ZBTB20: variants seen among roughly 807,000 people sequenced by gnomAD.
The protein encoded by ZBTB20 is zinc finger and BTB domain-containing protein 20.
Under a neutral mutation model 56.9 loss-of-function variants are expected in ZBTB20, and 9 were observed. That is an observed-to-expected ratio of 0.16 (90% CI 0.10 to 0.28). ZBTB20 has a LOEUF of 0.28. Ranked by LOEUF, ZBTB20 falls within the 10% of genes least tolerant of loss-of-function variation. The pLI, the probability that ZBTB20 is intolerant of heterozygous loss-of-function variation, is 1.00. For missense variants in ZBTB20, 655 were observed against 1,003.0 expected, an observed-to-expected ratio of 0.65 and a Z score of 4.69; for synonymous variants, 417 against 420.7, an observed-to-expected ratio of 0.99 and a Z score of 0.11.
At chr3:114,963,994 A>T (rs987210589) in intron 3 of ZBTB20, among the ~76,000 whole-genome samples, 1 of 152,210 alleles carries the variant, frequency 6.6e-6, no homozygotes, top group African/African-American at 2.4e-5. Flanking sequence ...CTTTAAGTCC[A>T]TTCATAGTCT....
intron 7 of ZBTB20, among the ~76,000 whole-genome samples, chr3:114,475,367 G>A (rs1016325452): frequency 1.3e-5 from 2 of 151,996 alleles, no homozygotes; most frequent in Non-Finnish European, 2.9e-5. Flanking sequence ...ATTAATTCTA[G>A]CAAAGTAGAC....
intron 10 of ZBTB20, among the ~76,000 whole-genome samples, chr3:114,365,025 C>T (rs1015944345): frequency 6.6e-6 from 1 of 152,164 alleles, no homozygotes; most frequent in Admixed American, 6.5e-5. Context: ...TCTTGAAGTA[C>T]AGGATTGATG....
In ZBTB20 at chr3:114,336,790, T is replaced by G. The variant is rs2079472102; in HGVS notation, c.*2215A>C. ...AAAATTAAATTAAAATGTAATGTAA[T>G]TTTGAAACTAAAATACGCTCTCCTT... On this transcript the variant is annotated 3_prime_UTR_variant, in exon 12 of 12. Transcript: ENST00000675478. 6.6e-6 allele frequency: 1 copy of G among 152,328 alleles called. No individual in the cohort carries two copies. Among genetic ancestry groups the G allele is most frequent in the South Asian group, 2.1e-4 (1 of 4,832 alleles). The allele number at this position is 152,328 out of a possible 1,614,324, so 9.4% of individuals were successfully genotyped here. A position where few individuals can be genotyped will look rare whatever the true frequency, so the allele number is the denominator to read the frequency against.
chr3:114,586,473 T>C lies in ZBTB20; in HGVS notation c.-294-86082A>G, dbSNP rs1559997470. Among the ~76,000 whole-genome samples the C allele has an allele frequency of 2.0e-5, 3 of 151,056 alleles. No homozygotes were observed. The South Asian group carries it at 6.2e-4, about 31-fold the overall frequency. ...ATCCTGAGAAGCTAAGGCCTGGCGA[T>C]GTCACACTGACATGTGATTTAGCAT... is the stretch of plus-strand genomic sequence containing the variant. On this transcript the variant is annotated intron_variant, in intron 6 of 11. Transcript: ENST00000675478.
intron 3 of ZBTB20, among the ~76,000 whole-genome samples, chr3:114,960,673 T>C (rs1384018617): frequency 6.6e-6 from 1 of 152,206 alleles, no homozygotes; most frequent in African/African-American, 2.4e-5. Context: ...CTTAAAAGAA[T>C]TATAATACAT....
intron 6 of ZBTB20, among the ~76,000 whole-genome samples, chr3:114,579,735 GAAC>G (rs1316991133): frequency 6.6e-6 from 1 of 150,852 alleles, no homozygotes; most frequent in Non-Finnish European, 1.5e-5. Context: ...AATAAGAGGG[GAAC>G]ATAAGGACAA....
chr3:114,415,910 C>A (rs1290575997), intron 7 of ZBTB20, among the ~76,000 whole-genome samples: 1 of 152,076 alleles, frequency 6.6e-6, no homozygotes, highest in Non-Finnish European at 1.5e-5. Flanking sequence ...AAGAGATAAC[C>A]AATCCTGAGA....
chr3:114,448,999 T>C (rs1192020147), intron 7 of ZBTB20, among the ~76,000 whole-genome samples: 1 of 152,142 alleles, frequency 6.6e-6, no homozygotes. Flanking sequence ...GGTGATATGT[T>C]GCAAAGAAAT....
intron 5 of ZBTB20, among the ~76,000 whole-genome samples, chr3:114,707,464 G>T (rs1292964326): frequency 2.0e-5 from 3 of 152,128 alleles, no homozygotes; most frequent in Admixed American, 6.6e-5. Flanking sequence ...AGGTACACTG[G>T]CAACCTTTCT....
chr3:115,016,742 T>C (rs183837475), intron 2 of ZBTB20, among the ~76,000 whole-genome samples: 31 of 151,912 alleles, frequency 2.0e-4, no homozygotes, highest in Non-Finnish European at 1.5e-5. Flanking sequence ...AGTCCAGTAG[T>C]ATGATGCCTG....
chr3:114,489,351 T>C (rs2042484075), intron 7 of ZBTB20, among the ~76,000 whole-genome samples: 1 of 152,168 alleles, frequency 6.6e-6, no homozygotes. Flanking sequence ...ATGTACATCA[T>C]AGTTCTTCCC....
At chr3:115,076,904 T>C (rs967116765) in intron 1 of ZBTB20, among the ~76,000 whole-genome samples, 2 of 152,300 alleles carry the variant, frequency 1.3e-5, no homozygotes, top group South Asian at 2.1e-4. Flanking sequence ...AGTTAGAGCC[T>C]TATAAGAAGT....
intron 6 of ZBTB20, among the ~76,000 whole-genome samples, chr3:114,601,509 T>C (rs142786246): frequency 1.8e-4 from 27 of 152,178 alleles, no homozygotes; most frequent in African/African-American, 6.3e-4. Flanking sequence ...AGATAAGAAA[T>C]CTAATTTATT....
chr3:114,382,626 C>G lies in ZBTB20; in HGVS notation c.-153-1686G>C, dbSNP rs9865622. Among the ~76,000 whole-genome samples, 417 of 152,256 alleles carry G rather than the reference C, an allele frequency of 2.7e-3. 3 individuals are homozygous for G. The highest frequency in any genetic ancestry group is 9.5e-3 in the African/African-American group (393 of 41,538). On this transcript the variant is annotated intron_variant, in intron 8 of 11. Coordinates refer to ENST00000675478, the MANE Select transcript of ZBTB20 (RefSeq NM_001348800.3). Reference sequence around the variant, plus strand: ...TCTCTGCCAGGTAGGACTTCACTCCCCACAGTGAATTCCTCCCTAGGTCTT... The same window carrying G: ...TCTCTGCCAGGTAGGACTTCACTCCGCACAGTGAATTCCTCCCTAGGTCTT...
At chr3:114,396,352 C>T (rs1258139542) in intron 7 of ZBTB20, among the ~76,000 whole-genome samples, 1 of 152,146 alleles carries the variant, frequency 6.6e-6, no homozygotes, top group Non-Finnish European at 1.5e-5. Context: ...TGTCACTGTT[C>T]CCAAAGTGAA....
At chr3:115,001,419 C>A (rs1452828188) in intron 2 of ZBTB20, among the ~76,000 whole-genome samples, 1 of 150,872 alleles carries the variant, frequency 6.6e-6, no homozygotes, top group Non-Finnish European at 1.5e-5. Context: ...TGACCAATAG[C>A]AGTATTATAA....
At chr3:114,871,625 T>C (rs1187698436) in intron 4 of ZBTB20, among the ~76,000 whole-genome samples, 4 of 152,150 alleles carry the variant, frequency 2.6e-5, no homozygotes, top group African/African-American at 9.7e-5. Flanking sequence ...TCTTAAAAGA[T>C]ATGTGGTTTA....
At position 114,753,353 on chromosome 3, in the gene ZBTB20, T is replaced by TG. The variant is rs1216239981; in HGVS notation, c.-343+47747_-343+47748insC. Among the ~76,000 whole-genome samples, 18 of 107,746 alleles carry TG rather than the reference T, an allele frequency of 1.7e-4. 3 individuals are homozygous for TG. Among genetic ancestry groups the TG allele is most frequent in the East Asian group, 1.1e-3 (4 of 3,690 alleles). 70.7% of individuals were successfully genotyped at this position (107,746 alleles called of 152,430 possible). A position where few individuals can be genotyped will look rare whatever the true frequency, so the allele number is the denominator to read the frequency against. ...TATATATAATGTATATATGTATACA[T>TG]TATATATAATGTATATATAATGTAT... On this transcript the variant is annotated intron_variant, in intron 5 of 11. Coordinates refer to ENST00000675478, the MANE Select transcript of ZBTB20 (RefSeq NM_001348800.3).
chr3:114,797,097 T>G (rs949307198), intron 5 of ZBTB20, among the ~76,000 whole-genome samples: 1 of 151,838 alleles, frequency 6.6e-6, no homozygotes, highest in African/African-American at 2.4e-5. Flanking sequence ...TAATTAGGAT[T>G]ACATGAGTTA....
Sources: gnomAD v4.1 joint callset for allele counts (sites outside exome capture counted in the v4.1 genomes callset) on GRCh38, gnomAD v4.1.1 for gene constraint, MANE v1.5 for transcripts, NCBI Gene and HGNC (gene_info 2026-07-23, HGNC 2026-07-21) for gene names.